Variants in MACROD2 observed in about 807,000 individuals in gnomAD.
MACROD2 encodes the protein ADP-ribose glycohydrolase MACROD2.
Under a neutral mutation model 70.4 loss-of-function variants are expected in MACROD2, and 36 were observed. That is an observed-to-expected ratio of 0.51 (90% CI 0.39 to 0.68). MACROD2 has a LOEUF of 0.68. Ranked by LOEUF, MACROD2 falls within the 30% of genes least tolerant of loss-of-function variation. The pLI, the probability that MACROD2 is intolerant of heterozygous loss-of-function variation, is 0.00. For synonymous variants in MACROD2, 172 were observed against 178.8 expected (o/e 0.96, Z 0.30); for missense variants, 496 against 538.4 (o/e 0.92, Z 0.78).
intron 5 of MACROD2, among the ~76,000 whole-genome samples, chr20:15,050,242 T>C (rs1282259842): frequency 6.6e-6 from 1 of 152,210 alleles, no homozygotes; most frequent in Admixed American, 6.5e-5. Context: ...GAATTATGCA[T>C]GTTAATATGG....
chr20:15,389,440 C>T (rs1244404782), intron 6 of MACROD2, among the ~76,000 whole-genome samples: 1 of 152,176 alleles, frequency 6.6e-6, no homozygotes, highest in Non-Finnish European at 1.5e-5. Flanking sequence ...AAAAATTTAA[C>T]TCTAGGGTCA....
chr20:15,585,779 T>C (rs1016200540), intron 8 of MACROD2, among the ~76,000 whole-genome samples: 2 of 142,030 alleles, frequency 1.4e-5, no homozygotes, highest in East Asian at 4.2e-4. Flanking sequence ...TTTTTTTTTT[T>C]AATTCACACT....
intron 3 of MACROD2, among the ~76,000 whole-genome samples, chr20:14,371,748 A>G (rs204648): frequency 0.89 from 134,668 of 151,786 alleles, 59,833 homozygotes; most frequent in South Asian, 0.91. Flanking sequence ...GCTTTAAAGA[A>G]GCCATTGCTA....
chr20:14,608,147 T>C (rs777639981), intron 4 of MACROD2, among the ~76,000 whole-genome samples: 3 of 151,980 alleles, frequency 2.0e-5, no homozygotes, highest in Non-Finnish European at 4.4e-5. Flanking sequence ...TCCTAGCTAC[T>C]TGGGAGGCTG....
intron 6 of MACROD2, among the ~76,000 whole-genome samples, chr20:15,274,864 T>C (rs1167510116): frequency 6.6e-6 from 1 of 152,196 alleles, no homozygotes; most frequent in Non-Finnish European, 1.5e-5. Context: ...GCCTCTGACC[T>C]ATCCTGGAAG....
intron 5 of MACROD2, among the ~76,000 whole-genome samples, chr20:15,033,902 G>A (rs999037498): frequency 6.6e-6 from 1 of 152,210 alleles, no homozygotes; most frequent in Non-Finnish European, 1.5e-5. Context: ...AAGGTGGGTA[G>A]GGTGTTGTTT....
chr20:14,507,879 G>A (rs1222886527), intron 4 of MACROD2, among the ~76,000 whole-genome samples: 1 of 152,106 alleles, frequency 6.6e-6, no homozygotes, highest in Non-Finnish European at 1.5e-5. Context: ...CAGCTCAGGG[G>A]CTTGCCTTTG....
At chr20:15,954,288 C>T (rs1417584075) in intron 12 of MACROD2, among the ~76,000 whole-genome samples, 1 of 152,096 alleles carries the variant, frequency 6.6e-6, no homozygotes, top group Non-Finnish European at 1.5e-5. Flanking sequence ...CTTTCCATTG[C>T]AGACTTTCCC....
chr20:15,036,476 C>A (rs79219194), intron 5 of MACROD2, among the ~76,000 whole-genome samples: 4 of 152,118 alleles, frequency 2.6e-5, no homozygotes, highest in Non-Finnish European at 5.9e-5. Flanking sequence ...CCCTTCCCCC[C>A]ACCAATCAGT....
At chr20:14,828,492 A>G (rs139677060) in intron 5 of MACROD2, among the ~76,000 whole-genome samples, 86 of 152,258 alleles carry the variant, frequency 5.6e-4, no homozygotes, top group African/African-American at 1.7e-3. Context: ...AGTGCTTACT[A>G]TGCATTAGGC....
At chr20:15,817,153 C>T (rs1320184658) in intron 8 of MACROD2, among the ~76,000 whole-genome samples, 3 of 152,148 alleles carry the variant, frequency 2.0e-5, no homozygotes, top group African/African-American at 4.8e-5. Flanking sequence ...ACACAAAAGT[C>T]GCTGTCAGCT....
intron 4 of MACROD2, among the ~76,000 whole-genome samples, chr20:14,585,471 T>C (rs1296520935): frequency 6.6e-6 from 1 of 152,146 alleles, no homozygotes; most frequent in Non-Finnish European, 1.5e-5. Flanking sequence ...GGTGCTTTAG[T>C]GCAATGACTT....
At chr20:14,729,228 A>T (rs1454561648) in intron 5 of MACROD2, among the ~76,000 whole-genome samples, 1 of 152,208 alleles carries the variant, frequency 6.6e-6, no homozygotes, top group Non-Finnish European at 1.5e-5. Flanking sequence ...ATTATAAGTT[A>T]AAATACAGAT....
At chr20:15,133,767 A>C (rs1469307599) in intron 5 of MACROD2, among the ~76,000 whole-genome samples, 1 of 152,166 alleles carries the variant, frequency 6.6e-6, no homozygotes, top group Non-Finnish European at 1.5e-5. Flanking sequence ...ATTGAAAACA[A>C]TGGTAGGATT....
chr20:14,285,649 C>T (rs2082337862), intron 3 of MACROD2, among the ~76,000 whole-genome samples: 1 of 151,924 alleles, frequency 6.6e-6, no homozygotes, highest in Non-Finnish European at 1.5e-5. Context: ...TTTTCTTCCT[C>T]CCTTTTTCCT....
chr20:15,351,945 TG>T (rs1251250044), intron 6 of MACROD2, among the ~76,000 whole-genome samples: 3 of 152,090 alleles, frequency 2.0e-5, no homozygotes, highest in Non-Finnish European at 4.4e-5. Flanking sequence ...TACAAACAGG[TG>T]GAAGACATTT....
At chr20:14,238,794 C>T (rs6042607) in intron 3 of MACROD2, among the ~76,000 whole-genome samples, 88,465 of 151,670 alleles carry the variant, frequency 0.58, 28,067 homozygotes, top group Non-Finnish European at 0.72. Flanking sequence ...TTTGGGAGGC[C>T]GAGGCGGGCG....
chr20:14,557,701 A>G (rs1979129592), intron 4 of MACROD2, among the ~76,000 whole-genome samples: 1 of 151,830 alleles, frequency 6.6e-6, no homozygotes, highest in South Asian at 2.1e-4. Context: ...TAGGATAGCT[A>G]TTACCAAAAA....
intron 3 of MACROD2, among the ~76,000 whole-genome samples, chr20:14,483,219 A>C (rs2123076855): frequency 6.6e-6 from 1 of 152,274 alleles, no homozygotes; most frequent in South Asian, 2.1e-4. Context: ...AATGTTTGGC[A>C]TACATGAAGC....
Sources: gnomAD v4.1 joint callset for allele counts (sites outside exome capture counted in the v4.1 genomes callset) on GRCh38, gnomAD v4.1.1 for gene constraint, MANE v1.5 for transcripts, NCBI Gene and HGNC (gene_info 2026-07-23, HGNC 2026-07-21) for gene names.